The following VPS37A variants were observed in gnomAD, a reference collection of about 807,000 sequenced individuals.
The protein encoded by VPS37A is vacuolar protein sorting-associated protein 37A.
A neutral mutation model predicts 49.8 loss-of-function variants in VPS37A; 30 were observed. The ratio of observed to expected loss-of-function variants is 0.60; its 90% confidence interval spans 0.45 to 0.82. VPS37A has a LOEUF of 0.82. VPS37A is among the 40% of genes least tolerant of loss of function. The pLI, the probability that VPS37A is intolerant of heterozygous loss-of-function variation, is 0.00. For missense variants in VPS37A, 593 were observed against 464.4 expected (o/e 1.28, Z -2.55); for synonymous variants, 195 against 160.6 (o/e 1.21, Z -1.62).
chr8:17,294,230 C>T (rs969482122), intron 11 of VPS37A, among the ~76,000 whole-genome samples: 30 of 152,170 alleles, frequency 2.0e-4, no homozygotes, highest in African/African-American at 7.2e-4. Context: ...GTCCAAACTT[C>T]CCGGAGGCTT....
intron 6 of VPS37A, among the ~76,000 whole-genome samples, chr8:17,276,686 A>G (rs1195768429): frequency 6.6e-6 from 1 of 152,130 alleles, no homozygotes; most frequent in Non-Finnish European, 1.5e-5. Flanking sequence ...GGATTTTTAT[A>G]ATGATATAAT....
rs181560598 is a variant in VPS37A at position 17,293,504 on chromosome 8, G to A, written c.*1-1483G>A. On this transcript the variant is annotated intron_variant, in intron 11 of 11. Coordinates refer to ENST00000324849, the MANE Select transcript of VPS37A (RefSeq NM_152415.3). The stretch of plus-strand genomic sequence containing the variant: ...AGTCCAGTTTTGTTCCCTTGCTGGC[G>A]AGGAGTTGTGATCCTTTGGAGGAGA... Among the ~76,000 whole-genome samples, 187 of 152,110 alleles carry A rather than the reference G, an allele frequency of 1.2e-3. 3 individuals are homozygous for A. Among genetic ancestry groups the A allele is most frequent in the African/African-American group, 4.8e-4 (20 of 41,516 alleles).
the VPS37A span, among the ~76,000 whole-genome samples, chr8:17,332,272 A>C: frequency 6.6e-6 from 1 of 152,236 alleles, no homozygotes. Context: ...ACTTTTTAAA[A>C]GCTAAAAGAG....
At chr8:17,267,548 T>C (rs1813590228) in intron 2 of VPS37A, among the ~76,000 whole-genome samples, 1 of 152,160 alleles carries the variant, frequency 6.6e-6, no homozygotes, top group Non-Finnish European at 1.5e-5. Flanking sequence ...GAGAGATGTG[T>C]CATTTGGGGC....
chr8:17,247,525 C>A, intron 1 of VPS37A, 156 bp downstream of exon 1: 1 of 1,042,912 alleles, frequency 9.6e-7, no homozygotes, highest in South Asian at 1.5e-5. Flanking sequence ...GCCACTCCTG[C>A]CCCCTTTTAC....
chr8:17,247,971 G>T, intron 1 of VPS37A: 1 of 574,740 alleles, frequency 1.7e-6, no homozygotes, highest in Non-Finnish European at 3.1e-6. Context: ...TCATAGTCTT[G>T]TCCCCACGCT....
At chr8:17,300,875 G>A (rs1375933463), downstream of VPS37A, among the ~76,000 whole-genome samples, 1 of 152,180 alleles carries the variant, frequency 6.6e-6, no homozygotes, top group Non-Finnish European at 1.5e-5. Flanking sequence ...CATACAACAT[G>A]TGGATTTTTG....
downstream of VPS37A, among the ~76,000 whole-genome samples, chr8:17,300,905 A>T (rs1237905461): frequency 6.6e-6 from 1 of 152,202 alleles, no homozygotes; most frequent in Non-Finnish European, 1.5e-5. Flanking sequence ...TCCTTCACTT[A>T]GCTTATGTTC....
At chr8:17,289,867 C>G (rs1586074355) in intron 11 of VPS37A, among the ~76,000 whole-genome samples, 1 of 152,146 alleles carries the variant, frequency 6.6e-6, no homozygotes, top group East Asian at 1.9e-4. Flanking sequence ...TTTGTGTCCT[C>G]TCTTATTTCC....
intron 9 of VPS37A, among the ~76,000 whole-genome samples, chr8:17,282,949 A>C (rs1289559562): frequency 6.6e-6 from 1 of 152,180 alleles, no homozygotes; most frequent in East Asian, 1.9e-4. Context: ...GGCACATAAT[A>C]GGTACTCAAT....
intron 4 of VPS37A, chr8:17,272,102 A>G (rs749044668): frequency 2.0e-5 from 9 of 456,316 alleles, no homozygotes; most frequent in South Asian, 1.4e-4. Context: ...ATGCAGCAGT[A>G]TTGGTAAACT....
Position 17,296,340 on chromosome 8 carries a change from G to A in VPS37A, c.*1354G>A, listed in dbSNP as rs1025002463. 5 of 152,280 alleles carry A rather than the reference G, an allele frequency of 3.3e-5. No homozygotes were observed. The highest frequency in any genetic ancestry group is 1.2e-4 in the African/African-American group (5 of 41,552). The allele number at this position is 152,280 out of a possible 1,614,324, so 9.4% of individuals were successfully genotyped here. On this transcript the variant is annotated 3_prime_UTR_variant, in exon 12 of 12. Coordinates refer to ENST00000324849, the MANE Select transcript of VPS37A (RefSeq NM_152415.3). ...CTTCCTGACACTGTGCTAAGGACAT[G>A]CTGTTAAAGCTTCAAAGTGACCAGA...
chr8:17,272,654 A>G (rs1483518486), intron 4 of VPS37A, among the ~76,000 whole-genome samples: 1 of 152,200 alleles, frequency 6.6e-6, no homozygotes, highest in Non-Finnish European at 1.5e-5. Flanking sequence ...ATACTCTCTC[A>G]TGTTGGTTTT....
rs529736602 is a variant in VPS37A, at chr8:17,256,290, ATTTTTTTTT to A, written c.125+8941_125+8949del. On this transcript the variant is annotated intron_variant, in intron 1 of 11. Transcript: ENST00000324849. ...AAGTCTTTTTAGCTGGGGTAAAATG[ATTTTTTTTT>A]TTTTTTTTTTTTTTTTTTTGGAGAT... 4.1e-4 allele frequency among the ~76,000 whole-genome samples: 25 copies of A among 60,406 alleles called. 1 individual carries two copies. The highest frequency in any genetic ancestry group is 2.7e-3 in the East Asian group (4 of 1,460). 39.6% of individuals were successfully genotyped at this position (60,406 alleles called of 152,430 possible). A position where few individuals can be genotyped will look rare whatever the true frequency, so the allele number is the denominator to read the frequency against.
chr8:17,311,317 A>G, the VPS37A span, among the ~76,000 whole-genome samples: 1 of 152,204 alleles, frequency 6.6e-6, no homozygotes, highest in Non-Finnish European at 1.5e-5. Flanking sequence ...CCAGAAATTC[A>G]TCTCTTTATT....
chr8:17,255,398 G>T (rs377212569), intron 1 of VPS37A, among the ~76,000 whole-genome samples: 3 of 152,064 alleles, frequency 2.0e-5, no homozygotes, highest in Non-Finnish European at 4.4e-5. Context: ...GGACAATCAC[G>T]TGAACCTGGG....
At position 17,280,273 on chromosome 8, in the gene VPS37A, C is replaced by T; in HGVS notation, c.876C>T (p.Ala292=). The T allele has an allele frequency of 6.2e-7, 1 of 1,612,546 alleles. No individual in the cohort carries two copies. Among genetic ancestry groups the T allele is most frequent in the Non-Finnish European group, 8.5e-7 (1 of 1,179,254 alleles). Residue 292 remains alanine, a synonymous_variant, in exon 8 of 12, where the codon GCC becomes GCT. Transcript: ENST00000324849. ...TCCTTTTGGAGCCCAGCTTGGAAGC[C>T]AAAAGACAAACTGTTTTAGATAAGG... ...KNLLLEPSLE[A]KRQTVLDKYE...
intron 4 of VPS37A, among the ~76,000 whole-genome samples, chr8:17,273,990 T>G (rs1814261368): frequency 6.6e-6 from 1 of 152,218 alleles, no homozygotes; most frequent in Non-Finnish European, 1.5e-5. Context: ...ACTGTATTAT[T>G]CATATATTGT....
the VPS37A span, among the ~76,000 whole-genome samples, chr8:17,307,917 T>A: frequency 6.6e-6 from 1 of 151,658 alleles, no homozygotes; most frequent in African/African-American, 2.4e-5. Context: ...GGGATAGCAT[T>A]AGGAGATATA....
Sources: gnomAD v4.1 joint callset for allele counts (sites outside exome capture counted in the v4.1 genomes callset) on GRCh38, gnomAD v4.1.1 for gene constraint, MANE v1.5 for transcripts, NCBI Gene and HGNC (gene_info 2026-07-23, HGNC 2026-07-21) for gene names.